The following BCAN variants were observed in gnomAD, a reference collection of about 807,000 sequenced individuals.
The protein encoded by BCAN is brevican core protein.
BCAN carries 51 observed loss-of-function variants against 92.4 expected under a neutral mutation model. The ratio of observed to expected loss-of-function variants is 0.55; its 90% CI spans 0.44 to 0.70. BCAN has a LOEUF of 0.70. Ranked by LOEUF, BCAN falls within the 30% of genes least tolerant of loss-of-function variation. The pLI, the probability that BCAN is intolerant of heterozygous loss-of-function variation, is 0.00. For synonymous variants in BCAN, 501 were observed against 505.2 expected (o/e 0.99, Z 0.11); for missense variants, 1,140 against 1,212.1 (o/e 0.94, Z 0.88).
At position 156,659,209 on chromosome 1, in the gene BCAN, G is replaced by T; in HGVS notation, c.*75G>T. On this transcript the variant is annotated 3_prime_UTR_variant, in exon 14 of 14. Coordinates refer to ENST00000329117, the MANE Select transcript of BCAN (RefSeq NM_021948.5). ...ATTTTCCCTCACACCCTGCGCTCCC[G>T]CCACCACAGGAAGTGACAACATGAC... The T allele has an allele frequency of 1.8e-6, 2 of 1,131,548 alleles. No individual in the cohort carries two copies. Among genetic ancestry groups the T allele is most frequent in the Non-Finnish European group, 2.5e-6 (2 of 807,948 alleles). 70.1% of individuals were successfully genotyped at this position (1,131,548 alleles called of 1,614,324 possible). A position where few individuals can be genotyped will look rare whatever the true frequency, so the allele number is the denominator to read the frequency against.
intron 6 of BCAN, among the ~76,000 whole-genome samples, chr1:156,649,521 A>G (rs1679092631): frequency 6.6e-6 from 1 of 152,138 alleles, no homozygotes; most frequent in Non-Finnish European, 1.5e-5. Flanking sequence ...CTTCCACTTC[A>G]ACCTCCGGAG....
Position 156,646,466 on chromosome 1 carries a change from G to A in BCAN, c.91+321G>A, listed in dbSNP as rs564081712. The stretch of plus-strand genomic sequence containing the variant: ...TAAAGGGAGCAGACTGGGAAACTGG[G>A]CTGGAGGACTCAGGGGGCGAGGTTG... On this transcript the variant is annotated intron_variant, in intron 2 of 13. Coordinates refer to ENST00000329117, the MANE Select transcript of BCAN (RefSeq NM_021948.5). 1.0e-5 allele frequency: 5 copies of A among 498,822 alleles called. No individual in the cohort carries two copies. The East Asian group carries it at 1.3e-4, about 13-fold the overall frequency. 30.9% of individuals were successfully genotyped at this position (498,822 alleles called of 1,614,324 possible). A position where few individuals can be genotyped will look rare whatever the true frequency, so the allele number is the denominator to read the frequency against.
Position 156,658,931 on chromosome 1 carries a change from TG to T in BCAN, c.2629-93del. 1 of 1,338,794 alleles carries T rather than the reference TG, an allele frequency of 7.5e-7. No individual in the cohort carries two copies. The highest frequency in any genetic ancestry group is 1.0e-6 in the Non-Finnish European group (1 of 967,332). 82.9% of individuals were successfully genotyped at this position (1,338,794 alleles called of 1,614,324 possible). A position where few individuals can be genotyped will look rare whatever the true frequency, so the allele number is the denominator to read the frequency against. ...TGTCTGATAACATGCAGCCCCATTC[TG>T]GGCTCTTACGGGCTGAGCAAGAACA... On this transcript the variant is annotated intron_variant, in intron 13 of 13. Coordinates refer to ENST00000329117, the MANE Select transcript of BCAN (RefSeq NM_021948.5). The surrounding 1 kb of genome is among the most constrained non-coding windows in gnomAD (Gnocchi z 4.4).
At chr1:156,650,210 C>T (rs1372894617) in intron 6 of BCAN, among the ~76,000 whole-genome samples, 2 of 151,856 alleles carry the variant, frequency 1.3e-5, no homozygotes, top group Non-Finnish European at 2.9e-5. Context: ...GTGTGCCAAG[C>T]CAAGCACTGT....
At chr1:156,656,191 C>G (rs1394721821) in intron 8 of BCAN, 91 bp from the exon 9 acceptor site, 2 of 835,514 alleles carry the variant, frequency 2.4e-6, no homozygotes, top group Admixed American at 6.4e-5. Flanking sequence ...GAGACCAGGG[C>G]TGGGGGACCC....
At chr1:156,651,719 C>T (rs1483362778) in intron 7 of BCAN, 30 bp downstream of exon 7, 29 of 1,560,342 alleles carry the variant, frequency 1.9e-5, no homozygotes, top group East Asian at 1.6e-4. Context: ...CTAAGGATGT[C>T]TTGATTGAAA....
rs1679387082 is a variant in BCAN at position 156,657,776 on chromosome 1, A to G, written c.2292+19A>G. ...CCCCCTGGTGAGAGGCCCCAGTCGA[A>G]CCCCGCCGTCTAGCTCACTTCCTCT... On this transcript the variant is annotated intron_variant, in intron 11 of 13. Coordinates refer to ENST00000329117, the MANE Select transcript of BCAN (RefSeq NM_021948.5). 6.3e-7 allele frequency: 1 copy of G among 1,599,004 alleles called. No homozygotes were observed. The highest frequency in any genetic ancestry group is 8.5e-7 in the Non-Finnish European group (1 of 1,172,520).
intron 8 of BCAN, among the ~76,000 whole-genome samples, chr1:156,653,892 T>C (rs1265170842): frequency 6.6e-6 from 1 of 151,834 alleles, no homozygotes; most frequent in African/African-American, 2.4e-5. Context: ...GTGCCAAGGG[T>C]CATAGTAACT....
intron 5 of BCAN, 90 bp downstream of exon 5, chr1:156,648,200 C>T: frequency 2.6e-6 from 4 of 1,522,612 alleles, no homozygotes; most frequent in Non-Finnish European, 3.6e-6. Context: ...ACCTTACTAT[C>T]CCTCCTGAGT....
In BCAN at chr1:156,647,707, C is replaced by A; in HGVS notation, c.641+25C>A. ...GGTGGGCAGGGGCTGTGGATTGGGG[C>A]TTCTATTGGCCCCTGAGGTGGCCAT... On this transcript the variant is annotated intron_variant, in intron 4 of 13. Coordinates refer to ENST00000329117, the MANE Select transcript of BCAN (RefSeq NM_021948.5). This position sits in a 1 kb window ranked among gnomAD's most constrained non-coding sequence, Gnocchi z 4.8. The A allele has an allele frequency of 1.9e-6, 3 of 1,564,656 alleles. No individual in the cohort carries two copies. Among genetic ancestry groups the A allele is most frequent in the South Asian group, 2.4e-5 (2 of 83,894 alleles).
intron 8 of BCAN, chr1:156,653,601 C>T (rs1679248288): frequency 3.2e-6 from 3 of 942,748 alleles, no homozygotes; most frequent in Non-Finnish European, 3.8e-6. Flanking sequence ...GTGTCTTGGC[C>T]TCTCTTCCTT....
Position 156,652,577 on chromosome 1 carries a change from C to G in BCAN, c.1627C>G (p.Leu543Val), listed in dbSNP as rs1307156641. 3 of 1,614,136 alleles carry G rather than the reference C, an allele frequency of 1.9e-6. No individual in the cohort carries two copies. The highest frequency in any genetic ancestry group is 2.5e-6 in the Non-Finnish European group (3 of 1,179,990). Residue 543 changes from leucine to valine, a missense_variant, in exon 8 of 14, where the codon CTG becomes GTG. Physicochemically the swap from Leu to Val is conservative, Grantham distance 32 (BLOSUM62 1). This residue lies in a region of BCAN where 825 missense variants were observed against 871.8 expected (regional missense o/e 0.95). Coordinates refer to ENST00000329117, the MANE Select transcript of BCAN (RefSeq NM_021948.5). ...GGTCCATGGACCACCTACTGAGACTCTGCCCACTCCCAGGGAGAGGAACCT... is the reference window on the plus strand; with the variant it reads ...GGTCCATGGACCACCTACTGAGACTGTGCCCACTCCCAGGGAGAGGAACCT... ...PRVHGPPTET[L>V]PTPRERNLAS... is the part of the protein sequence containing the mutation.
rs762475998 is a variant in BCAN at position 156,652,456 on chromosome 1, G to A, written c.1506G>A (p.Gln502=). 7 of 1,604,308 alleles carry A rather than the reference G, an allele frequency of 4.4e-6. 1 individual carries two copies. The South Asian group carries it at 5.6e-5, about 13-fold the overall frequency. The part of the protein sequence containing the change: ...EASLPTEPAA[Q]EESLSQAPAR... ...CTCTCCCCACTGAGCCAGCAGCCCA[G>A]GAGGAGTCACTCTCCCAGGCGCCAG... Residue 502 remains glutamine (Q), a synonymous_variant, in exon 8 of 14, where the codon CAG becomes CAA. Transcript: ENST00000329117.
In BCAN at chr1:156,647,291, G is replaced by C; in HGVS notation, c.466+116G>C. The C allele has an allele frequency of 7.4e-7, 1 of 1,345,358 alleles. No individual in the cohort carries two copies. Among genetic ancestry groups the C allele is most frequent in the Non-Finnish European group, 9.9e-7 (1 of 1,007,460 alleles). 83.3% of individuals were successfully genotyped at this position (1,345,358 alleles called of 1,614,324 possible). ...AAAGGTAGCTGGAAGGCGCAGCCTG[G>C]GTTGGAAAAAGAGTGAGGAGACACG... On this transcript the variant is annotated intron_variant, in intron 3 of 13. Coordinates refer to ENST00000329117, the MANE Select transcript of BCAN (RefSeq NM_021948.5). This position sits in a 1 kb window ranked among gnomAD's most constrained non-coding sequence, Gnocchi z 4.8.
chr1:156,643,078 A>G (rs1678843494), intron 1 of BCAN: 1 of 152,168 alleles, frequency 6.6e-6, no homozygotes, highest in South Asian at 2.1e-4. Context: ...ACATGGTTCT[A>G]ATAGGACCAA....
chr1:156,657,642 G>C (rs747924393), intron 10 of BCAN, 33 bp from the exon 11 acceptor site: 1 of 1,573,232 alleles, frequency 6.4e-7, no homozygotes, highest in Non-Finnish European at 8.6e-7. Flanking sequence ...ATCTGCTGGC[G>C]GCTGCGCTCA....
In BCAN at chr1:156,647,055, T is replaced by C. The variant is rs1272088226; in HGVS notation, c.346T>C (p.Ser116Pro). 3 of 1,611,546 alleles carry C rather than the reference T, an allele frequency of 1.9e-6. No homozygotes were observed. The highest frequency in any genetic ancestry group is 1.7e-6 in the Non-Finnish European group (2 of 1,178,444). ...CGTGGCACTGCCTGCGTACCCAGCG[T>C]CGCTCACCGACGTCTCCCTGGCGCT... ...FRVALPAYPASLTDVSLALSE... is the reference protein window; with the variant it reads ...FRVALPAYPAPLTDVSLALSE... The change falls in exon 3 of 14, where the codon TCG becomes CCG. Residue 116 changes from serine to proline, a missense_variant. Physicochemically the swap from Ser to Pro is moderately conservative, Grantham distance 74. This residue lies in a region of BCAN where 286 missense variants were observed against 284.1 expected (regional missense o/e 1.01). Transcript: ENST00000329117. The surrounding 1 kb of genome is among the most constrained non-coding windows in gnomAD (Gnocchi z 4.8).
Position 156,647,064 on chromosome 1 carries a change from G to C in BCAN, c.355G>C (p.Asp119His), listed in dbSNP as rs1272927468. 1 of 1,611,368 alleles carries C rather than the reference G, an allele frequency of 6.2e-7. No individual in the cohort carries two copies. The highest frequency in any genetic ancestry group is 8.5e-7 in the Non-Finnish European group (1 of 1,178,170). ...GCCTGCGTACCCAGCGTCGCTCACC[G>C]ACGTCTCCCTGGCGCTGAGCGAGCT... ...ALPAYPASLT[D>H]VSLALSELRP... The change falls in exon 3 of 14, where the codon GAC becomes CAC. Residue 119 changes from aspartate (D) to histidine (H), a missense_variant. Coordinates refer to ENST00000329117, the MANE Select transcript of BCAN (RefSeq NM_021948.5). The surrounding 1 kb of genome is among the most constrained non-coding windows in gnomAD (Gnocchi z 4.8).
At chr1:156,657,184 C>A in intron 10 of BCAN, 88 bp downstream of exon 10, 1 of 1,498,686 alleles carries the variant, frequency 6.7e-7, no homozygotes, top group Non-Finnish European at 9.0e-7. Context: ...TTAACCCATG[C>A]ACTTATTCCT....
Sources: gnomAD v4.1 joint callset for allele counts (sites outside exome capture counted in the v4.1 genomes callset) on GRCh38, gnomAD v4.1.1 for gene constraint, gnomAD v4.1.1 regional missense constraint, Gnocchi (gnomAD v3.1) non-coding constraint, MANE v1.5 for transcripts, NCBI Gene and HGNC (gene_info 2026-07-23, HGNC 2026-07-21) for gene names.